Variants in ADAMTSL1 observed in about 807,000 individuals in gnomAD.
ADAMTSL1 encodes ADAMTS-like protein 1.
A neutral mutation model predicts 201.8 loss-of-function variants in ADAMTSL1; 126 were observed. The observed-to-expected ratio is 0.62, with a 90% CI of 0.54 to 0.72. The LOEUF is 0.72. ADAMTSL1 is among the 30% of genes least tolerant of loss of function. The pLI is 0.00. For missense variants in ADAMTSL1, 2,679 were observed against 2,277.8 expected (o/e 1.18, Z -3.59); for synonymous variants, 1,121 against 903.4 (o/e 1.24, Z -4.32).
chr9:18,304,204 A>G (rs1021931397), intron 2 of ADAMTSL1, among the ~76,000 whole-genome samples: 4 of 151,856 alleles, frequency 2.6e-5, no homozygotes, highest in African/African-American at 9.7e-5. Flanking sequence ...ATAGAACCCA[A>G]TTTGTTTGGA....
intron 2 of ADAMTSL1, among the ~76,000 whole-genome samples, chr9:18,278,521 A>C (rs1329643294): frequency 6.6e-6 from 1 of 152,070 alleles, no homozygotes; most frequent in Non-Finnish European, 1.5e-5. Context: ...AAATCCACTG[A>C]TAGTCTTATG....
chr9:18,512,056 G>A (rs1190064423), intron 2 of ADAMTSL1, among the ~76,000 whole-genome samples: 1 of 152,156 alleles, frequency 6.6e-6, no homozygotes, highest in South Asian at 2.1e-4. Flanking sequence ...CAAGTTCAGA[G>A]TGGGTATGAC....
chr9:18,028,042 C>T (rs1248990886), intron 1 of ADAMTSL1, among the ~76,000 whole-genome samples: 2 of 151,998 alleles, frequency 1.3e-5, no homozygotes, highest in Admixed American at 6.6e-5. Flanking sequence ...CCTCTGCTCT[C>T]TTTGTTTTCC....
Position 17,968,039 on chromosome 9 carries a change from G to T in ADAMTSL1, c.87+61117G>T, listed in dbSNP as rs986555333. Among the ~76,000 whole-genome samples, 4 of 152,166 alleles carry T rather than the reference G, an allele frequency of 2.6e-5. No homozygotes were observed. In the East Asian group the frequency reaches 5.8e-4, roughly 22 times the overall value. On this transcript the variant is annotated intron_variant, in intron 1 of 29. Coordinates refer to the ADAMTSL1 transcript ENST00000680146. ...TGCACAGCTGTTACTCCAATCTTGG[G>T]TGAACAGGCATTTGTCTAATGTAGC...
In ADAMTSL1 at chr9:18,777,311, C is replaced by T. The variant is rs766816729; in HGVS notation, c.3082C>T (p.Leu1028=). The stretch of plus-strand genomic sequence containing the variant: ...CCGCTACGACGACCTCGTCTCCCGG[C>T]TGCTGGAGCAGGGCGGCTGGCCCGG... ...GSRYDDLVSR[L]LEQGGWPGEL... is the part of the protein sequence containing the mutation. Residue 1028 remains leucine (L), a synonymous_variant, in exon 19 of 29, where the codon CTG becomes TTG. Transcript: ENST00000380548. 2.5e-6 allele frequency: 4 copies of T among 1,603,206 alleles called. No individual in the cohort carries two copies. Among genetic ancestry groups the T allele is most frequent in the Non-Finnish European group, 3.4e-6 (4 of 1,175,098 alleles).
At position 18,753,327 on chromosome 9, in the gene ADAMTSL1, G is replaced by C; in HGVS notation, c.2036G>C (p.Ser679Thr). The change falls in exon 16 of 29, where the codon AGT becomes ACT. Residue 679 changes from serine (S) to threonine (T), a missense_variant. By Grantham distance (58) the Ser-to-Thr change is moderately conservative. Transcript: ENST00000380548. ...RWEIGKWSPCSLTCGVGLQTR... is the reference protein window; with the variant it reads ...RWEIGKWSPCTLTCGVGLQTR... The stretch of plus-strand genomic sequence containing the variant: ...GAAATTGGCAAGTGGAGTCCATGTA[G>C]TCTCACATGTGGGGTCGGCCTACAG... 6.2e-7 allele frequency: 1 copy of C among 1,612,258 alleles called. No homozygotes were observed. Among genetic ancestry groups the C allele is most frequent in the Non-Finnish European group, 8.5e-7 (1 of 1,179,278 alleles).
chr9:17,944,199 G>A (rs1051424295), intron 1 of ADAMTSL1, among the ~76,000 whole-genome samples: 29 of 152,086 alleles, frequency 1.9e-4, no homozygotes, highest in African/African-American at 6.8e-4. Flanking sequence ...AATCATGAGT[G>A]AACTCCCGTT....
At chr9:18,249,587 C>T (rs1337292012) in intron 2 of ADAMTSL1, among the ~76,000 whole-genome samples, 1 of 152,152 alleles carries the variant, frequency 6.6e-6, no homozygotes, top group Non-Finnish European at 1.5e-5. Context: ...AATTAGGCTA[C>T]TTCAGCCTAC....
intron 23 of ADAMTSL1, among the ~76,000 whole-genome samples, chr9:18,873,607 G>C (rs934100699): frequency 1.3e-5 from 2 of 152,156 alleles, no homozygotes; most frequent in South Asian, 2.1e-4. Flanking sequence ...TCAGTTGGCT[G>C]TAAGTATTTG....
chr9:18,681,798 C>G lies in ADAMTSL1; in HGVS notation c.1342-14C>G. 2 of 1,591,298 alleles carry G rather than the reference C, an allele frequency of 1.3e-6. No homozygotes were observed. The highest frequency in any genetic ancestry group is 1.7e-6 in the Non-Finnish European group (2 of 1,167,786). ...TTGCCTACGAGTCTCCTCTCTCTTG[C>G]AATCTCTTTCCAGTGCACAGTGACA... On this transcript the variant is annotated splice_polypyrimidine_tract_variant and intron_variant, in intron 11 of 28. Coordinates refer to ENST00000380548, the MANE Select transcript of ADAMTSL1 (RefSeq NM_001040272.6).
At chr9:18,344,913 G>A (rs1193742609) in intron 2 of ADAMTSL1, among the ~76,000 whole-genome samples, 6 of 152,134 alleles carry the variant, frequency 3.9e-5, no homozygotes, top group African/African-American at 1.4e-4. Context: ...CATCCCAGTG[G>A]AGCTATTTAA....
intron 1 of ADAMTSL1, among the ~76,000 whole-genome samples, chr9:18,077,420 G>A: frequency 6.6e-6 from 1 of 152,176 alleles, no homozygotes; most frequent in East Asian, 1.9e-4. Context: ...AGAAACTAAG[G>A]TGGAAAATTG....
intron 2 of ADAMTSL1, among the ~76,000 whole-genome samples, chr9:18,356,700 A>G (rs546313079): frequency 1.3e-5 from 2 of 152,166 alleles, no homozygotes; most frequent in East Asian, 3.9e-4. Context: ...TAAAATTGAC[A>G]TATAACCAAA....
intron 7 of ADAMTSL1, among the ~76,000 whole-genome samples, chr9:18,650,000 C>T (rs1828109359): frequency 6.6e-6 from 1 of 152,170 alleles, no homozygotes; most frequent in South Asian, 2.1e-4. Flanking sequence ...AGAGGTGGAG[C>T]CTACAGAGGC....
At chr9:18,842,323 T>C (rs1218120518) in intron 23 of ADAMTSL1, among the ~76,000 whole-genome samples, 1 of 152,198 alleles carries the variant, frequency 6.6e-6, no homozygotes, top group Non-Finnish European at 1.5e-5. Context: ...AGCAGGTTGT[T>C]CAGTTTCCAT....
intron 2 of ADAMTSL1, among the ~76,000 whole-genome samples, chr9:18,168,811 C>T (rs1329779327): frequency 5.0e-4 from 74 of 146,626 alleles, no homozygotes; most frequent in East Asian, 1.0e-3. Flanking sequence ...TTTTAATGAT[C>T]GCCATTCTAA....
chr9:18,886,213 C>CAT lies in ADAMTSL1; in HGVS notation c.4250-1617_4250-1616insTA, dbSNP rs1218245436. Among the ~76,000 whole-genome samples the CAT allele has an allele frequency of 3.6e-3, 307 of 84,950 alleles. 2 individuals are homozygous for CAT. In the South Asian group the frequency reaches 0.049, roughly 14 times the overall value. 55.7% of individuals were successfully genotyped at this position (84,950 alleles called of 152,430 possible). A position where few individuals can be genotyped will look rare whatever the true frequency, so the allele number is the denominator to read the frequency against. On this transcript the variant is annotated intron_variant, in intron 23 of 28. Transcript: ENST00000380548. Reference sequence around the variant, plus strand: ...ATATATATATATATATATATATATACACACACATACATATACATACATACA... The same window carrying CAT: ...ATATATATATATATATATATATATACATACACACATACATATACATACATACA...
chr9:18,031,465 G>C (rs917615623), intron 1 of ADAMTSL1, among the ~76,000 whole-genome samples: 3 of 152,106 alleles, frequency 2.0e-5, no homozygotes, highest in African/African-American at 7.2e-5. Flanking sequence ...GGGTTTTACA[G>C]GCTTTTGGGT....
chr9:18,541,862 C>T (rs1820170825), intron 3 of ADAMTSL1, among the ~76,000 whole-genome samples: 1 of 152,204 alleles, frequency 6.6e-6, no homozygotes. Context: ...GCTATACAGT[C>T]ATTAAAAAGA....
Sources: gnomAD v4.1 joint callset for allele counts (sites outside exome capture counted in the v4.1 genomes callset) on GRCh38, gnomAD v4.1.1 for gene constraint, MANE v1.5 for transcripts, NCBI Gene and HGNC (gene_info 2026-07-23, HGNC 2026-07-21) for gene names.